The following SPTA1 variants were observed in gnomAD, a reference collection of about 807,000 sequenced individuals.
SPTA1 encodes the protein spectrin alpha, erythrocytic 1.
Under a neutral mutation model 324.7 loss-of-function variants are expected in SPTA1, and 177 were observed. The ratio of observed to expected loss-of-function variants is 0.55; its 90% CI spans 0.48 to 0.62. The LOEUF is 0.62. Ranked by LOEUF, SPTA1 falls within the 20% of genes least tolerant of loss-of-function variation. The probability of loss-of-function intolerance (pLI) is 0.00; values close to 1 mark genes in which losing one functional copy is unlikely to be tolerated. For missense variants in SPTA1, 3,162 were observed against 2,883.6 expected (o/e 1.10, Z -2.21); for synonymous variants, 1,195 against 1,041.3 (o/e 1.15, Z -2.84).
intron 51 of SPTA1, chr1:158,612,407 G>T (rs1433667650): frequency 3.9e-6 from 1 of 258,986 alleles, no homozygotes; most frequent in Non-Finnish European, 7.5e-6. Context: ...TCCCATGACA[G>T]ATGTGTTTGC....
chr1:158,622,492 AG>A (rs1185132116), intron 43 of SPTA1, among the ~76,000 whole-genome samples: 11 of 152,190 alleles, frequency 7.2e-5, no homozygotes, highest in Non-Finnish European at 8.8e-5. Flanking sequence ...GATAACAGAA[AG>A]GCAGAATAGA....
At chr1:158,618,176 C>A (rs1406152201) in intron 45 of SPTA1, 120 bp from the exon 46 acceptor site, 3 of 1,113,958 alleles carry the variant, frequency 2.7e-6, no homozygotes, top group African/African-American at 3.1e-5. Context: ...TCTTTTGTTG[C>A]CACAAAACAT....
intron 2 of SPTA1, among the ~76,000 whole-genome samples, chr1:158,684,684 CT>C (rs1362496421): frequency 1.3e-5 from 2 of 151,954 alleles, no homozygotes; most frequent in Non-Finnish European, 2.9e-5. Flanking sequence ...TGTGCTGGAT[CT>C]GAAAAAAAAT....
chr1:158,668,132 G>C, intron 14 of SPTA1, 70 bp from the exon 15 acceptor site: 3 of 1,505,720 alleles, frequency 2.0e-6, no homozygotes, highest in Non-Finnish European at 2.7e-6. Flanking sequence ...TTGAGAATAA[G>C]AGGTTACTTC....
intron 42 of SPTA1, 77 bp downstream of exon 42, chr1:158,626,069 T>C: frequency 2.2e-6 from 3 of 1,366,802 alleles, no homozygotes; most frequent in Middle Eastern, 1.8e-4. Flanking sequence ...ATCCCAAAAT[T>C]CAGAAATAAA....
chr1:158,627,546 A>G, intron 40 of SPTA1, 79 bp downstream of exon 40: 6 of 1,359,450 alleles, frequency 4.4e-6, no homozygotes, highest in Non-Finnish European at 6.3e-6. Context: ...CTCTCTGCAT[A>G]TGATCTTAGC....
intron 35 of SPTA1, among the ~76,000 whole-genome samples, chr1:158,638,803 A>G (rs1405905800): frequency 1.3e-5 from 2 of 152,026 alleles, no homozygotes; most frequent in East Asian, 3.9e-4. Flanking sequence ...TTCCCATACA[A>G]GACTGTCTTA....
Position 158,638,163 on chromosome 1 carries a change from T to G in SPTA1, c.5059A>C (p.Lys1687Gln). The G allele has an allele frequency of 6.2e-7, 1 of 1,614,018 alleles. No homozygotes were observed. The highest frequency in any genetic ancestry group is 8.5e-7 in the Non-Finnish European group (1 of 1,179,978). Residue 1687 changes from lysine (K) to glutamine (Q), a missense_variant, in exon 36 of 52, where the codon AAA becomes CAA. Physicochemically the swap from Lys to Gln is moderately conservative, Grantham distance 53 (BLOSUM62 1). Transcript: ENST00000643759. ...AAACGCTTGTTGACATTATCTTTTT[T>G]CTTCACAATCTGATCAACGTTGAAA... Reference protein sequence around the residue: ...GTFNVDQIVKKKDNVNKRFLN... With the variant: ...GTFNVDQIVKQKDNVNKRFLN...
intron 10 of SPTA1, among the ~76,000 whole-genome samples, chr1:158,672,922 C>A (rs1228908100): frequency 2.0e-5 from 3 of 148,670 alleles, no homozygotes; most frequent in African/African-American, 7.8e-5. Context: ...CACGGTGAAA[C>A]CCGGTTTCTA....
At chr1:158,646,658 T>C (rs965620168) in intron 27 of SPTA1, among the ~76,000 whole-genome samples, 1 of 152,144 alleles carries the variant, frequency 6.6e-6, no homozygotes, top group Non-Finnish European at 1.5e-5. Flanking sequence ...GGAAGCACCA[T>C]TGGAATGGGT....
At chr1:158,623,273 C>A (rs2101769134) in intron 42 of SPTA1, 81 bp from the exon 43 acceptor site, 2 of 1,170,994 alleles carry the variant, frequency 1.7e-6, no homozygotes, top group East Asian at 4.7e-5. Context: ...AGATTTTAAT[C>A]ATAGATAAGG....
chr1:158,612,557 GA>G (rs34729637), intron 51 of SPTA1: 243 of 424,008 alleles, frequency 5.7e-4, no homozygotes, highest in East Asian at 1.0e-3. Flanking sequence ...AATTAATGAG[GA>G]AAAAAAAAAG....
At position 158,674,528 on chromosome 1, in the gene SPTA1, T is replaced by G; in HGVS notation, c.1248+12A>C. The G allele has an allele frequency of 6.2e-7, 1 of 1,614,100 alleles. No homozygotes were observed. Among genetic ancestry groups the G allele is most frequent in the Non-Finnish European group, 8.5e-7 (1 of 1,179,972 alleles). On this transcript the variant is annotated intron_variant, in intron 9 of 51. Coordinates refer to ENST00000643759, the MANE Select transcript of SPTA1 (RefSeq NM_003126.4). ...TGCCCCCTCCTCCTACTGGGCAGCC[T>G]TTCTTCTCTACCTTATGCTGCTGAT...
chr1:158,644,215 C>A (rs369451254), intron 30 of SPTA1, 38 bp downstream of exon 30: 2 of 1,609,646 alleles, frequency 1.2e-6, no homozygotes, highest in Admixed American at 1.7e-5. Context: ...ATTATTACTA[C>A]GGATTATTAT....
Position 158,669,517 on chromosome 1 carries a change from C to A in SPTA1, c.1724G>T (p.Arg575Leu). Reference sequence around the variant, plus strand: ...AAGCAATGACTCCTTCAGCAATCTACGTCTAGTGGCAGCCTTTTCACGTAG... The same window carrying A: ...AAGCAATGACTCCTTCAGCAATCTAAGTCTAGTGGCAGCCTTTTCACGTAG... The part of the protein sequence containing the change: ...DALREKAATR[R>L]RLLKESLLLQ... Residue 575 changes from arginine (R) to leucine (L), a missense_variant, in exon 14 of 52, where the codon CGT (arginine) becomes CTT (leucine). By Grantham distance (102) the Arg-to-Leu change is moderately radical. Transcript: ENST00000643759. The A allele has an allele frequency of 6.2e-7, 1 of 1,614,116 alleles. No individual in the cohort carries two copies. Among genetic ancestry groups the A allele is most frequent in the Non-Finnish European group, 8.5e-7 (1 of 1,179,988 alleles).
Position 158,645,398 on chromosome 1 carries a change from G to T in SPTA1, c.3997-13C>A. ...CAGCACGGTGCTCCTGTGGGAAAAA[G>T]GGGGAAGAAATCAGTGAGGCCAACT... On this transcript the variant is annotated splice_polypyrimidine_tract_variant and intron_variant, in intron 28 of 51. Coordinates refer to ENST00000643759, the MANE Select transcript of SPTA1 (RefSeq NM_003126.4). The T allele has an allele frequency of 6.2e-7, 1 of 1,613,916 alleles. No homozygotes were observed. Among genetic ancestry groups the T allele is most frequent in the Non-Finnish European group, 8.5e-7 (1 of 1,179,918 alleles).
At chr1:158,670,438 A>G (rs149919420) in intron 12 of SPTA1, among the ~76,000 whole-genome samples, 57 of 152,362 alleles carry the variant, frequency 3.7e-4, no homozygotes, top group African/African-American at 1.3e-3. Flanking sequence ...GGACACACAT[A>G]TCAATTAATG....
chr1:158,678,642 ACTGACCATTGTAGC>A, intron 5 of SPTA1, 108 bp from the exon 6 acceptor site: 1 of 1,356,994 alleles, frequency 7.4e-7, no homozygotes, highest in Non-Finnish European at 1.0e-6. Flanking sequence ...AGAAGTGAAA[ACTGACCATTGTAGC>A]CAGACACTGA....
At chr1:158,669,283 T>G (rs1322494826) in intron 14 of SPTA1, 125 bp downstream of exon 14, 1 of 1,315,832 alleles carries the variant, frequency 7.6e-7, no homozygotes, top group African/African-American at 1.5e-5. Context: ...TTTCTGAGCC[T>G]CTGTTTTGTC....
Sources: allele counts gnomAD v4.1 joint callset (sites outside exome capture counted in the v4.1 genomes callset), GRCh38; gene constraint gnomAD v4.1.1; transcripts MANE v1.5; gene names NCBI Gene and HGNC (gene_info 2026-07-23, HGNC 2026-07-21).